The following NBAS variants were observed in gnomAD, a reference collection of about 807,000 sequenced individuals.
The protein encoded by NBAS is NAG/BC035112 fusion.
Under a neutral mutation model 302.5 loss-of-function variants are expected in NBAS, and 219 were observed. That is an observed-to-expected ratio of 0.72 (90% CI 0.65 to 0.81). The LOEUF (loss-of-function observed/expected upper bound fraction) is 0.81, where lower values mean the gene tolerates loss of function less well. NBAS is among the 30% of genes least tolerant of loss of function. The probability of loss-of-function intolerance (pLI) is 0.00; values close to 1 mark genes in which losing one functional copy is unlikely to be tolerated. For missense variants in NBAS, 2,932 were observed against 2,841.6 expected (o/e 1.03, Z -0.72); for synonymous variants, 1,118 against 1,021.6 (o/e 1.09, Z -1.80).
the NBAS span, among the ~76,000 whole-genome samples, chr2:14,779,030 C>T: frequency 2.0e-5 from 3 of 152,304 alleles, no homozygotes; most frequent in African/African-American, 7.2e-5. Context: ...AAGCCAAGAT[C>T]AAATGACTAA....
chr2:15,213,705 A>G (rs1219902771), intron 48 of NBAS, among the ~76,000 whole-genome samples: 2 of 152,348 alleles, frequency 1.3e-5, no homozygotes, highest in East Asian at 3.9e-4. Flanking sequence ...TTTAAAGATT[A>G]GCGTGCACAT....
the NBAS span, among the ~76,000 whole-genome samples, chr2:14,898,789 G>T: frequency 6.6e-6 from 1 of 152,194 alleles, no homozygotes; most frequent in Non-Finnish European, 1.5e-5. Flanking sequence ...GGAACTGTAA[G>T]TTCAATTAAA....
intron 6 of NBAS, among the ~76,000 whole-genome samples, chr2:15,545,616 TTAC>T (rs1293612598): frequency 1.3e-5 from 2 of 152,230 alleles, no homozygotes; most frequent in Non-Finnish European, 2.9e-5. Context: ...GCCTTATTAA[TTAC>T]TAGTATTTTA....
rs1054299617 is a variant in NBAS at position 15,508,305 on chromosome 2, T to C, written c.885+2907A>G. ...GAGATCAGGACCATACATAGCAGAG[T>C]AGATTCCAATACTTCAGTAAGGTGC... On this transcript the variant is annotated intron_variant, in intron 10 of 51. Coordinates refer to ENST00000281513, the MANE Select transcript of NBAS (RefSeq NM_015909.4). 2.6e-5 allele frequency among the ~76,000 whole-genome samples: 4 copies of C among 152,058 alleles called. No individual in the cohort carries two copies. The South Asian group carries it at 6.3e-4, about 24-fold the overall frequency.
the NBAS span, among the ~76,000 whole-genome samples, chr2:15,147,559 T>A: frequency 5.3e-5 from 8 of 151,866 alleles, no homozygotes; most frequent in African/African-American, 1.9e-4. Context: ...ACCATTGCAC[T>A]CCAGCCTGGG....
chr2:14,873,048 A>C, the NBAS span, among the ~76,000 whole-genome samples: 1 of 152,166 alleles, frequency 6.6e-6, no homozygotes, highest in South Asian at 2.1e-4. Context: ...GACTCTCGGC[A>C]GGTGGCCGAG....
At chr2:14,825,333 C>T in the NBAS span, among the ~76,000 whole-genome samples, 2 of 152,118 alleles carry the variant, frequency 1.3e-5, no homozygotes, top group African/African-American at 4.8e-5. Context: ...GTTCTAAGTG[C>T]AATATCAATC....
chr2:15,445,084 G>A (rs1678653612), intron 21 of NBAS, among the ~76,000 whole-genome samples: 1 of 151,716 alleles, frequency 6.6e-6, no homozygotes, highest in Admixed American at 6.6e-5. Flanking sequence ...AACCACTGTG[G>A]AAGTCAGTGT....
intron 48 of NBAS, among the ~76,000 whole-genome samples, chr2:15,199,599 A>G (rs1665783136): frequency 6.6e-6 from 1 of 152,186 alleles, no homozygotes; most frequent in African/African-American, 2.4e-5. Flanking sequence ...CACTACAGGA[A>G]TTATAAATGA....
chr2:15,364,503 C>T (rs1466669901), intron 32 of NBAS, among the ~76,000 whole-genome samples: 1 of 152,034 alleles, frequency 6.6e-6, no homozygotes, highest in African/African-American at 2.4e-5. Context: ...TGCACTCCAG[C>T]CTGGGCAACA....
At chr2:15,329,955 T>C (rs2148230515) in intron 36 of NBAS, among the ~76,000 whole-genome samples, 1 of 152,340 alleles carries the variant, frequency 6.6e-6, no homozygotes, top group Admixed American at 6.5e-5. Flanking sequence ...ACATGTTAAG[T>C]TCCACAGGAG....
At chr2:15,503,249 TAGA>T (rs1241747613) in intron 11 of NBAS, among the ~76,000 whole-genome samples, 4 of 151,982 alleles carry the variant, frequency 2.6e-5, no homozygotes, top group Admixed American at 2.6e-4. Context: ...TTTTAGTAAG[TAGA>T]AGGAGTACTC....
intron 28 of NBAS, among the ~76,000 whole-genome samples, chr2:15,389,383 C>T (rs1675477208): frequency 6.6e-6 from 1 of 152,200 alleles, no homozygotes; most frequent in Non-Finnish European, 1.5e-5. Context: ...CCCATATTGA[C>T]AGAAGAATAA....
chr2:15,102,222 C>T, the NBAS span, among the ~76,000 whole-genome samples: 1 of 152,112 alleles, frequency 6.6e-6, no homozygotes, highest in Admixed American at 6.6e-5. Flanking sequence ...AAGGTCAAAA[C>T]TAGAAAGGCA....
intron 48 of NBAS, among the ~76,000 whole-genome samples, chr2:15,208,341 A>C: frequency 6.6e-6 from 1 of 152,184 alleles, no homozygotes; most frequent in East Asian, 1.9e-4. Context: ...CCGTGATTCA[A>C]TTATCTTCCA....
intron 16 of NBAS, among the ~76,000 whole-genome samples, chr2:15,470,558 C>T (rs1242339336): frequency 1.3e-5 from 2 of 152,172 alleles, no homozygotes; most frequent in East Asian, 1.9e-4. Context: ...ATAAATCATG[C>T]TCAGTGTCTT....
chr2:14,862,869 T>A, the NBAS span, among the ~76,000 whole-genome samples: 8 of 152,288 alleles, frequency 5.3e-5, no homozygotes, highest in East Asian at 1.6e-3. Flanking sequence ...ATTCAGGGAC[T>A]CAGGTTTCTC....
At chr2:14,981,901 A>G in the NBAS span, among the ~76,000 whole-genome samples, 1 of 152,200 alleles carries the variant, frequency 6.6e-6, no homozygotes, top group Non-Finnish European at 1.5e-5. Context: ...GTGGCTGCCA[A>G]CTAGTTCTTC....
At chr2:15,296,676 T>C (rs1048147347) in intron 40 of NBAS, among the ~76,000 whole-genome samples, 1 of 151,430 alleles carries the variant, frequency 6.6e-6, no homozygotes, top group Non-Finnish European at 1.5e-5. Flanking sequence ...ACAAAAAAAT[T>C]AAGAAAATGA....
Sources: allele counts gnomAD v4.1 joint callset (sites outside exome capture counted in the v4.1 genomes callset), GRCh38; gene constraint gnomAD v4.1.1; transcripts MANE v1.5; gene names NCBI Gene and HGNC (gene_info 2026-07-23, HGNC 2026-07-21).